Variants in DST observed in about 807,000 individuals in gnomAD.
DST encodes bullous pemphigoid antigen.
DST carries 253 observed loss-of-function variants against 875.2 expected under a neutral mutation model. The observed-to-expected ratio is 0.29, with a 90% confidence interval of 0.26 to 0.32. DST has a LOEUF of 0.32. Ranked by LOEUF, DST falls within the 10% of genes least tolerant of loss-of-function variation. The probability of loss-of-function intolerance (pLI) is 1.00; values close to 1 mark genes in which losing one functional copy is unlikely to be tolerated. For synonymous variants in DST, 3,124 were observed against 3,197.1 expected (o/e 0.98, Z 0.77); for missense variants, 8,287 against 9,111.6 (o/e 0.91, Z 3.68).
chr6:56,864,469 C>T (rs1483114292), intron 3 of DST, among the ~76,000 whole-genome samples: 1 of 143,742 alleles, frequency 7.0e-6, no homozygotes, highest in Non-Finnish European at 1.5e-5. Flanking sequence ...GTAGAAACAC[C>T]TGCCATAATT....
chr6:56,623,135 G>C, intron 36 of DST, among the ~76,000 whole-genome samples: 1 of 151,904 alleles, frequency 6.6e-6, no homozygotes, highest in East Asian at 1.9e-4. Flanking sequence ...ACAAATCTTT[G>C]ACATTTTTAA....
chr6:56,731,199 G>T (rs1306015201), intron 5 of DST, among the ~76,000 whole-genome samples: 1 of 152,170 alleles, frequency 6.6e-6, no homozygotes, highest in Non-Finnish European at 1.5e-5. Context: ...ACAGAGTTTA[G>T]TGTTATCTGC....
At chr6:56,801,946 G>T (rs1289991643) in intron 4 of DST, among the ~76,000 whole-genome samples, 1 of 151,802 alleles carries the variant, frequency 6.6e-6, no homozygotes, top group East Asian at 1.9e-4. Flanking sequence ...GGAGGGGTTT[G>T]GACATGTTGG....
At position 56,627,995 on chromosome 6, in the gene DST, A is replaced by G. The variant is rs2098748510; in HGVS notation, c.4638+4T>C. On this transcript the variant is annotated splice_donor_region_variant and intron_variant, in intron 33 of 103. Coordinates refer to ENST00000680361, the MANE Select transcript of DST (RefSeq NM_001374736.1). The stretch of plus-strand genomic sequence containing the variant: ...CCTCAGTAGAGGGAATTATTTTTAC[A>G]TACCTTCTGTTGATTCAACTGTGTG... 1.2e-6 allele frequency: 2 copies of G among 1,613,550 alleles called. No individual in the cohort carries two copies. The highest frequency in any genetic ancestry group is 8.5e-7 in the Non-Finnish European group (1 of 1,179,526).
chr6:56,518,574 A>AGGG (rs2096639235), intron 69 of DST, among the ~76,000 whole-genome samples: 1 of 152,174 alleles, frequency 6.6e-6, no homozygotes, highest in Non-Finnish European at 1.5e-5. Flanking sequence ...TAATGAATAT[A>AGGG]TTTGTATATA....
In DST at chr6:56,536,827, C is replaced by G; in HGVS notation, c.16722G>C (p.Glu5574Asp). 1 of 1,609,472 alleles carries G rather than the reference C, an allele frequency of 6.2e-7. No homozygotes were observed. Among genetic ancestry groups the G allele is most frequent in the Non-Finnish European group, 8.5e-7 (1 of 1,177,718 alleles). The change falls in exon 62 of 104, where the codon GAG becomes GAC. Residue 5574 changes from glutamate (E) to aspartate (D), a missense_variant. Physicochemically the swap from Glu to Asp is conservative, Grantham distance 45. Transcript: ENST00000680361. ...GTGCATTGACATCATCCAGGTCATG[C>G]TCCAAGCCCTGAGTGCTAGTGCTTT... The part of the protein sequence containing the change: ...AAKSTSTQGL[E>D]HDLDDVNARW...
Position 56,532,348 on chromosome 6 carries a change from T to C in DST, c.17104A>G (p.Thr5702Ala). 1 of 1,613,342 alleles carries C rather than the reference T, an allele frequency of 6.2e-7. No homozygotes were observed. The highest frequency in any genetic ancestry group is 8.5e-7 in the Non-Finnish European group (1 of 1,179,578). Residue 5702 changes from threonine to alanine, a missense_variant, in exon 64 of 104, where the codon ACA becomes GCA. Around this residue, in one of 10 missense-constraint regions of DST, gnomAD observed 777 missense variants for 764.8 expected, o/e 1.02. Coordinates refer to ENST00000680361, the MANE Select transcript of DST (RefSeq NM_001374736.1). ...AACTGGAAGTATATAAGTTACCTTG[T>C]TTCAGCTTTATTAAGCAATGCCTCC... is the stretch of plus-strand genomic sequence containing the variant. ...RWEALLNKAE[T>A]RNRQLEGISV...
In DST at chr6:56,691,924, T is replaced by C. The variant is rs1422648448; in HGVS notation, c.1047+7729A>G. On this transcript the variant is annotated intron_variant, in intron 9 of 103. Transcript: ENST00000680361. ...TGAAAATCAACAGAGAACCAGAATCTGGCTTTTCAAACTCATGAATCAGCA... is the reference window on the plus strand; with the variant it reads ...TGAAAATCAACAGAGAACCAGAATCCGGCTTTTCAAACTCATGAATCAGCA... Among the ~76,000 whole-genome samples, 8 of 152,204 alleles carry C rather than the reference T, an allele frequency of 5.3e-5. No individual in the cohort carries two copies. The East Asian group carries it at 1.3e-3, about 26-fold the overall frequency.
intron 99 of DST, among the ~76,000 whole-genome samples, chr6:56,465,785 G>A (rs1327398144): frequency 6.8e-6 from 1 of 147,516 alleles, no homozygotes; most frequent in Non-Finnish European, 1.5e-5. Context: ...TGGTATAATT[G>A]TTTGGAAAAT....
chr6:56,637,298 A>G lies in DST; in HGVS notation c.2965-646T>C, dbSNP rs139555246. The stretch of plus-strand genomic sequence containing the variant: ...AAATTATCTCTGGCTACGGGAAAAA[A>G]TATTTAAAAACTAAAATAAATGCAA... On this transcript the variant is annotated intron_variant, in intron 22 of 103. Transcript: ENST00000680361. Among the ~76,000 whole-genome samples the G allele has an allele frequency of 4.5e-3, 687 of 152,280 alleles. 1 individual carries two copies. Among genetic ancestry groups the G allele is most frequent in the African/African-American group, 0.016 (659 of 41,560 alleles).
At chr6:56,940,189 C>CAT (rs1171479427) in intron 2 of DST, among the ~76,000 whole-genome samples, 1,794 of 57,074 alleles carry the variant, frequency 0.031, 39 homozygotes, top group African/African-American at 0.095. Flanking sequence ...ACATTACCCC[C>CAT]ATACACACAC....
intron 3 of DST, among the ~76,000 whole-genome samples, chr6:56,880,548 C>T (rs538744059): frequency 6.6e-6 from 1 of 151,836 alleles, no homozygotes; most frequent in South Asian, 2.1e-4. Flanking sequence ...ATTAGCCGGG[C>T]GTGGTACACA....
intron 5 of DST, among the ~76,000 whole-genome samples, chr6:56,706,117 C>A (rs1181460278): frequency 2.0e-5 from 3 of 152,084 alleles, no homozygotes; most frequent in Non-Finnish European, 2.9e-5. Flanking sequence ...AGTTCGAGAC[C>A]AGCCTGGCCA....
chr6:56,941,460 T>C (rs1362844726), intron 2 of DST, among the ~76,000 whole-genome samples: 1 of 152,104 alleles, frequency 6.6e-6, no homozygotes, highest in Non-Finnish European at 1.5e-5. Flanking sequence ...ATGAGTCATG[T>C]AAGTATGGTG....
chr6:56,639,253 C>T lies in DST; in HGVS notation c.2964+6G>A. On this transcript the variant is annotated splice_donor_region_variant and intron_variant, in intron 22 of 103. Transcript: ENST00000680361. ...CAACCAACACCATTACACTTTCCAGCTTTACCTCAATAGTTAACCGGGCTG... is the reference window on the plus strand; with the variant it reads ...CAACCAACACCATTACACTTTCCAGTTTTACCTCAATAGTTAACCGGGCTG... The T allele has an allele frequency of 6.2e-7, 1 of 1,608,586 alleles. No homozygotes were observed. The highest frequency in any genetic ancestry group is 8.5e-7 in the Non-Finnish European group (1 of 1,175,110).
At chr6:56,619,450 A>G (rs1284259364) in intron 36 of DST, 2 of 1,611,822 alleles carry the variant, frequency 1.2e-6, no homozygotes, top group Non-Finnish European at 1.7e-6. Flanking sequence ...CTTTTAGATG[A>G]TCTGATTTTC....
At chr6:56,686,464 G>A (rs57691858) in intron 9 of DST, among the ~76,000 whole-genome samples, 2,039 of 152,194 alleles carry the variant, frequency 0.013, 45 homozygotes, top group African/African-American at 0.047. Flanking sequence ...TTCCTTCCAA[G>A]GTATTTCTAT....
chr6:56,830,575 T>C (rs2099785802), intron 4 of DST, among the ~76,000 whole-genome samples: 1 of 152,180 alleles, frequency 6.6e-6, no homozygotes, highest in South Asian at 2.1e-4. Context: ...GTCAACAGGA[T>C]AGTTTTTCTG....
At chr6:56,835,343 G>T (rs1243605652) in intron 4 of DST, among the ~76,000 whole-genome samples, 1 of 152,120 alleles carries the variant, frequency 6.6e-6, no homozygotes, top group Non-Finnish European at 1.5e-5. Context: ...TATTAATCTT[G>T]TAATCAACTA....
Sources: allele counts gnomAD v4.1 joint callset (sites outside exome capture counted in the v4.1 genomes callset), GRCh38; gene constraint gnomAD v4.1.1; regional missense constraint gnomAD v4.1.1; transcripts MANE v1.5; gene names NCBI Gene and HGNC (gene_info 2026-07-23, HGNC 2026-07-21).